ARHGEF3: variants seen among roughly 807,000 people sequenced by gnomAD.
ARHGEF3 encodes Rho guanine nucleotide exchange factor 3.
ARHGEF3 carries 28 observed loss-of-function variants against 63.2 expected under a neutral mutation model. The observed-to-expected ratio is 0.44, with a 90% confidence interval of 0.33 to 0.61. The LOEUF (loss-of-function observed/expected upper bound fraction) is 0.61. ARHGEF3 is among the 20% of genes least tolerant of loss of function. The pLI is 0.03. For synonymous variants in ARHGEF3, 266 were observed against 254.2 expected (o/e 1.05, Z -0.44); for missense variants, 533 against 659.3 (o/e 0.81, Z 2.10).
intron 4 of ARHGEF3, among the ~76,000 whole-genome samples, chr3:56,845,980 T>C (rs1191197537): frequency 2.0e-5 from 3 of 152,204 alleles, no homozygotes; most frequent in Non-Finnish European, 4.4e-5. Flanking sequence ...TCCACTGTGA[T>C]AATGAAACAA....
At chr3:56,964,189 T>TA (rs1321707138) in intron 2 of ARHGEF3, among the ~76,000 whole-genome samples, 4 of 151,856 alleles carry the variant, frequency 2.6e-5, no homozygotes, top group African/African-American at 4.8e-5. Flanking sequence ...CCGTCTCTAC[T>TA]AAAAAAATGC....
chr3:56,945,313 G>A (rs527312017), intron 3 of ARHGEF3, among the ~76,000 whole-genome samples: 4 of 152,212 alleles, frequency 2.6e-5, no homozygotes, highest in African/African-American at 9.6e-5. Context: ...CCGAAGCAGG[G>A]TGAGGCATTG....
chr3:56,839,586 T>C (rs2039241270), intron 4 of ARHGEF3, among the ~76,000 whole-genome samples: 1 of 152,182 alleles, frequency 6.6e-6, no homozygotes, highest in South Asian at 2.1e-4. Context: ...TCTGTAAATC[T>C]AAAATTATTC....
chr3:56,834,021 A>G (rs1201690202), intron 4 of ARHGEF3, among the ~76,000 whole-genome samples: 1 of 151,258 alleles, frequency 6.6e-6, no homozygotes, highest in Non-Finnish European at 1.5e-5. Context: ...CTCCTGCCTC[A>G]GTCTCCTGAG....
intron 2 of ARHGEF3, among the ~76,000 whole-genome samples, chr3:56,989,506 AC>A (rs1198239879): frequency 6.6e-6 from 1 of 151,896 alleles, no homozygotes; most frequent in Non-Finnish European, 1.5e-5. Flanking sequence ...CTTGCAGAAA[AC>A]CCCAGCAGGT....
chr3:56,903,258 A>C (rs554449519), intron 3 of ARHGEF3, among the ~76,000 whole-genome samples: 1 of 152,320 alleles, frequency 6.6e-6, no homozygotes, highest in South Asian at 2.1e-4. Flanking sequence ...CAAAATTGAA[A>C]AGTCTGATAA....
chr3:56,780,141 A>C (rs1207763529), intron 1 of ARHGEF3, among the ~76,000 whole-genome samples: 1 of 152,202 alleles, frequency 6.6e-6, no homozygotes, highest in Non-Finnish European at 1.5e-5. Flanking sequence ...CCTCTGCTTC[A>C]TTATTCTGCC....
intron 1 of ARHGEF3, among the ~76,000 whole-genome samples, chr3:57,064,106 A>C (rs1356834747): frequency 1.3e-5 from 2 of 152,082 alleles, no homozygotes; most frequent in Admixed American, 1.3e-4. Flanking sequence ...GTCTCTACCA[A>C]AAATACAAAA....
intron 1 of ARHGEF3, among the ~76,000 whole-genome samples, chr3:57,039,434 C>T (rs143204077): frequency 9.8e-5 from 15 of 152,292 alleles, no homozygotes; most frequent in East Asian, 1.9e-4. Flanking sequence ...TAGGTACGCA[C>T]GTGCACCAAG....
chr3:56,878,703 T>A (rs114713565), intron 4 of ARHGEF3, among the ~76,000 whole-genome samples: 213 of 152,118 alleles, frequency 1.4e-3, no homozygotes, highest in African/African-American at 4.8e-3. Context: ...CCGGAAAGAG[T>A]TAAGTGATGC....
At chr3:56,983,796 C>CGTG (rs1489385112) in intron 2 of ARHGEF3, among the ~76,000 whole-genome samples, 5 of 152,096 alleles carry the variant, frequency 3.3e-5, no homozygotes, top group Non-Finnish European at 7.4e-5. Context: ...TTTAGCCAGG[C>CGTG]GTGGTGGTGC....
intron 1 of ARHGEF3, among the ~76,000 whole-genome samples, chr3:56,786,329 T>C (rs1578508509): frequency 6.6e-6 from 1 of 152,204 alleles, no homozygotes; most frequent in Non-Finnish European, 1.5e-5. Flanking sequence ...ATAAATAAGA[T>C]ACAAAGCATG....
intron 4 of ARHGEF3, chr3:56,882,285 T>C: frequency 1.3e-6 from 2 of 1,551,510 alleles, no homozygotes; most frequent in Non-Finnish European, 1.7e-6. Flanking sequence ...GAAAGGACTA[T>C]ACTTACACTT....
At chr3:56,818,724 C>T (rs550296505) in intron 4 of ARHGEF3, among the ~76,000 whole-genome samples, 20 of 152,300 alleles carry the variant, frequency 1.3e-4, no homozygotes, top group African/African-American at 4.3e-4. Context: ...CCTGCACCCC[C>T]TGCTGCCATC....
At chr3:56,856,792 AT>A (rs2039902292) in intron 4 of ARHGEF3, among the ~76,000 whole-genome samples, 1 of 151,388 alleles carries the variant, frequency 6.6e-6, no homozygotes, top group Non-Finnish European at 1.5e-5. Flanking sequence ...AAAAAAAAAA[AT>A]CTAGAGGCTT....
intron 3 of ARHGEF3, among the ~76,000 whole-genome samples, chr3:56,946,524 T>G (rs1699507480): frequency 6.6e-6 from 1 of 152,166 alleles, no homozygotes; most frequent in Admixed American, 6.6e-5. Context: ...AGAAAGGGTA[T>G]CAGTGATGGA....
intron 4 of ARHGEF3, among the ~76,000 whole-genome samples, chr3:56,853,962 G>C (rs566067241): frequency 6.6e-6 from 1 of 152,132 alleles, no homozygotes; most frequent in Non-Finnish European, 1.5e-5. Context: ...TTGGGAGGCC[G>C]AGGAGGGTGG....
chr3:56,945,233 C>T (rs1699421649), intron 3 of ARHGEF3, among the ~76,000 whole-genome samples: 1 of 152,084 alleles, frequency 6.6e-6, no homozygotes, highest in South Asian at 2.1e-4. Context: ...AACTGAGGTA[C>T]TGGGTTCATC....
At chr3:56,868,779 C>T (rs1049587414) in intron 4 of ARHGEF3, among the ~76,000 whole-genome samples, 4 of 152,148 alleles carry the variant, frequency 2.6e-5, no homozygotes, top group African/African-American at 9.7e-5. Context: ...GAAAAACAAC[C>T]ATGGGTACAG....
Sources: gnomAD v4.1 joint callset for allele counts (sites outside exome capture counted in the v4.1 genomes callset) on GRCh38, gnomAD v4.1.1 for gene constraint, MANE v1.5 for transcripts, NCBI Gene and HGNC (gene_info 2026-07-23, HGNC 2026-07-21) for gene names.